Variants in GTF2A1 observed in about 807,000 individuals in gnomAD.
The protein encoded by GTF2A1 is general transcription factor IIA subunit 1, also known as transcription initiation factor IIA subunit 1.
GTF2A1 carries 12 observed loss-of-function variants against 54.1 expected under a neutral mutation model. The observed-to-expected ratio is 0.22, with a 90% CI of 0.14 to 0.36. The LOEUF (loss-of-function observed/expected upper bound fraction) is 0.36. Ranked by LOEUF, GTF2A1 falls within the 10% of genes least tolerant of loss-of-function variation. The pLI, the probability that GTF2A1 is intolerant of heterozygous loss-of-function variation, is 1.00. For synonymous variants in GTF2A1, 145 were observed against 152.0 expected (o/e 0.95, Z 0.34); for missense variants, 335 against 442.2 (o/e 0.76, Z 2.17).
At position 81,179,556 on chromosome 14, in the gene GTF2A1, G is replaced by A. The variant is rs553878220; in HGVS notation, c.*667C>T. The A allele has an allele frequency of 6.6e-6, 1 of 152,226 alleles. No homozygotes were observed. The highest frequency in any genetic ancestry group is 1.9e-4 in the East Asian group (1 of 5,182). The allele number at this position is 152,226 out of a possible 1,614,324, so 9.4% of individuals were successfully genotyped here. ...GTCTTTAATTACATTTAATAAGTAT[G>A]AAAACCTAATTAAAATAAATATTCA... On this transcript the variant is annotated 3_prime_UTR_variant, in exon 9 of 9. Transcript: ENST00000553612.
intron 6 of GTF2A1, among the ~76,000 whole-genome samples, chr14:81,194,378 G>A (rs903297506): frequency 2.0e-5 from 3 of 152,204 alleles, no homozygotes; most frequent in African/African-American, 7.2e-5. Context: ...CTGCTTTAAG[G>A]AGATTAGCCA....
intron 7 of GTF2A1, among the ~76,000 whole-genome samples, chr14:81,189,267 T>C (rs1892818778): frequency 6.6e-6 from 1 of 152,188 alleles, no homozygotes. Context: ...TAAACTTACA[T>C]GCACCTGTTT....
chr14:81,193,630 C>CT (rs1892925667), intron 6 of GTF2A1, among the ~76,000 whole-genome samples: 1 of 152,144 alleles, frequency 6.6e-6, no homozygotes, highest in Non-Finnish European at 1.5e-5. Context: ...TGGCCATACC[C>CT]CTAATATTCT....
intron 3 of GTF2A1, among the ~76,000 whole-genome samples, chr14:81,203,036 T>C (rs1354694514): frequency 3.9e-5 from 6 of 152,238 alleles, no homozygotes; most frequent in Non-Finnish European, 5.9e-5. Context: ...CATTTACTTC[T>C]AGTGTCCTCT....
chr14:81,211,129 T>G, intron 2 of GTF2A1, among the ~76,000 whole-genome samples: 1 of 152,360 alleles, frequency 6.6e-6, no homozygotes, highest in African/African-American at 2.4e-5. Flanking sequence ...GTTAGGTAGC[T>G]TATTCAAGAT....
Position 81,183,321 on chromosome 14 carries a change from C to T in GTF2A1, c.1023+2210G>A, listed in dbSNP as rs191518583. Among the ~76,000 whole-genome samples the T allele has an allele frequency of 1.4e-3, 214 of 152,256 alleles. 1 individual carries two copies. The highest frequency in any genetic ancestry group is 5.0e-3 in the African/African-American group (209 of 41,534). On this transcript the variant is annotated intron_variant, in intron 8 of 8. Coordinates refer to ENST00000553612, the MANE Select transcript of GTF2A1 (RefSeq NM_015859.4). ...TGTATTTCCAGCATGAACCAAGTGA[C>T]TGCAACCAGAAAGACCGTGGGCTTA... is the stretch of plus-strand genomic sequence containing the variant.
chr14:81,196,333 CA>C, intron 5 of GTF2A1, 92 bp from the exon 6 acceptor site: 2 of 1,297,366 alleles, frequency 1.5e-6, no homozygotes, highest in Non-Finnish European at 2.2e-6. Context: ...CCACCAAAGG[CA>C]CAAGAAATTA....
chr14:81,215,463 A>C (rs1047507316), intron 2 of GTF2A1, among the ~76,000 whole-genome samples: 1 of 152,210 alleles, frequency 6.6e-6, no homozygotes, highest in Non-Finnish European at 1.5e-5. Context: ...TCCATGAACT[A>C]TACCTTGAGA....
At chr14:81,189,186 T>C (rs776378750) in intron 7 of GTF2A1, among the ~76,000 whole-genome samples, 5 of 152,090 alleles carry the variant, frequency 3.3e-5, no homozygotes, top group Non-Finnish European at 7.4e-5. Context: ...TTAAAAAAAA[T>C]TTACTAGCAA....
chr14:81,204,257 A>T, intron 2 of GTF2A1, 153 bp from the exon 3 acceptor site: 1 of 771,206 alleles, frequency 1.3e-6, no homozygotes, highest in South Asian at 1.4e-5. Context: ...CCCAAGTGAA[A>T]CAATAACAAA....
chr14:81,220,613 C>T lies in GTF2A1; in HGVS notation c.-95G>A. 1 of 1,007,140 alleles carries T rather than the reference C, an allele frequency of 9.9e-7. No homozygotes were observed. The allele number at this position is 1,007,140 out of a possible 1,614,324, so 62.4% of individuals were successfully genotyped here. A position where few individuals can be genotyped will look rare whatever the true frequency, so the allele number is the denominator to read the frequency against. The stretch of plus-strand genomic sequence containing the variant: ...AAAACTATAACACCCGGAGGGTGAC[C>T]CAAATCACCGCAAGATTGGGGAAAA... On this transcript the variant is annotated 5_prime_UTR_variant, in exon 1 of 9. Coordinates refer to ENST00000553612, the MANE Select transcript of GTF2A1 (RefSeq NM_015859.4).
intron 6 of GTF2A1, 22 bp from the exon 7 acceptor site, chr14:81,192,861 T>G (rs1238831169): frequency 1.5e-6 from 2 of 1,332,344 alleles, no homozygotes; most frequent in South Asian, 1.2e-5. Context: ...GAAAACCACA[T>G]AACAGTAACT....
chr14:81,204,321 T>C (rs1893182716), intron 2 of GTF2A1: 2 of 683,188 alleles, frequency 2.9e-6, no homozygotes, highest in African/African-American at 1.8e-5. Context: ...GTACTGAAGA[T>C]TTTGTTTCTT....
intron 2 of GTF2A1, chr14:81,209,970 C>G (rs1479696767): frequency 1.1e-6 from 1 of 950,126 alleles, no homozygotes; most frequent in Admixed American, 2.4e-5. Context: ...AAACTATTGT[C>G]TTCTAGAATA....
At chr14:81,202,329 T>TAAA (rs970021328) in intron 3 of GTF2A1, among the ~76,000 whole-genome samples, 2 of 152,190 alleles carry the variant, frequency 1.3e-5, no homozygotes, top group African/African-American at 2.4e-5. Flanking sequence ...ACTAATCCAA[T>TAAA]AAAAGTAAGC....
chr14:81,208,184 G>A (rs1199338485), intron 2 of GTF2A1, among the ~76,000 whole-genome samples: 1 of 152,138 alleles, frequency 6.6e-6, no homozygotes, highest in African/African-American at 2.4e-5. Context: ...GTGGTTTCAG[G>A]GGCCAGGCCC....
chr14:81,186,629 A>G (rs1177334996), intron 7 of GTF2A1, among the ~76,000 whole-genome samples: 1 of 152,158 alleles, frequency 6.6e-6, no homozygotes, highest in Admixed American at 6.5e-5. Flanking sequence ...AGAAGACAAA[A>G]CCAAAGTAGA....
chr14:81,189,385 C>A (rs1892821548), intron 7 of GTF2A1, among the ~76,000 whole-genome samples: 1 of 152,078 alleles, frequency 6.6e-6, no homozygotes, highest in East Asian at 1.9e-4. Context: ...AAAAATGGAT[C>A]AAGTGGCCAG....
At chr14:81,183,069 A>G (rs1372485195) in intron 8 of GTF2A1, among the ~76,000 whole-genome samples, 1 of 152,214 alleles carries the variant, frequency 6.6e-6, no homozygotes, top group Non-Finnish European at 1.5e-5. Flanking sequence ...TATGTTTTAA[A>G]TAAGTAAATA....
Sources: gnomAD v4.1 joint callset for allele counts (sites outside exome capture counted in the v4.1 genomes callset) on GRCh38, gnomAD v4.1.1 for gene constraint, MANE v1.5 for transcripts, NCBI Gene and HGNC (gene_info 2026-07-23, HGNC 2026-07-21) for gene names.